The following CLN5 variants were observed in gnomAD, a reference collection of about 807,000 sequenced individuals.
The protein encoded by CLN5 is CLN5 lysosomal BMP synthase, also known as bis(monoacylglycero)phosphate synthase CLN5.
In CLN5, 34 loss-of-function variants were observed where a neutral mutation model predicts 36.7. The observed-to-expected ratio is 0.93, with a 90% CI of 0.71 to 1.23. CLN5 has a LOEUF of 1.23. CLN5 is among the 50% of genes most tolerant of loss of function. The pLI, the probability that CLN5 is intolerant of heterozygous loss-of-function variation, is 0.00. For synonymous variants in CLN5, 151 were observed against 155.1 expected (o/e 0.97, Z 0.20); for missense variants, 427 against 439.4 (o/e 0.97, Z 0.25).
Position 77,001,090 on chromosome 13 carries a change from C to A in CLN5, c.*121C>A. On this transcript the variant is annotated 3_prime_UTR_variant, in exon 4 of 4. Transcript: ENST00000377453. ...TGGTGCATAAAGTTAAAATGCACAT[C>A]AGCAGAATTGCTGCATATTAACATC... The A allele has an allele frequency of 1.2e-6, 1 of 833,572 alleles. No homozygotes were observed. Among genetic ancestry groups the A allele is most frequent in the Admixed American group, 2.4e-5 (1 of 41,328 alleles). The allele number at this position is 833,572 out of a possible 1,614,324, so 51.6% of individuals were successfully genotyped here. A position where few individuals can be genotyped will look rare whatever the true frequency, so the allele number is the denominator to read the frequency against.
chr13:76,992,256 G>A lies in CLN5; in HGVS notation c.158G>A (p.Trp53Ter), dbSNP rs1292661272. ...TCGGGCATCCCCTCCCGGCGCCACT[G>A]GCCGGTGCCCTACAAGTGAGTGCGG... ...RVSGIPSRRH[W>*]PVPYKRFDFR... Residue 53 changes from tryptophan to a stop codon, truncating the protein, a stop_gained, in exon 1 of 4, where the codon TGG becomes TAG. Coordinates refer to ENST00000377453, the MANE Select transcript of CLN5 (RefSeq NM_006493.4). LOFTEE classifies it high-confidence loss of function. The A allele has an allele frequency of 6.3e-7, 1 of 1,578,528 alleles. No individual in the cohort carries two copies. Among genetic ancestry groups the A allele is most frequent in the Non-Finnish European group, 8.6e-7 (1 of 1,168,828 alleles).
intron 2 of CLN5, chr13:76,995,579 G>T: frequency 2.0e-6 from 1 of 491,646 alleles, no homozygotes; most frequent in Non-Finnish European, 3.7e-6. Context: ...CACCATGTGA[G>T]GTCTGTAGAG....
chr13:77,000,078 G>A (rs2034331785), intron 3 of CLN5: 1 of 152,216 alleles, frequency 6.6e-6, no homozygotes, highest in Non-Finnish European at 1.5e-5. Context: ...AATATGATTA[G>A]GCCAGCCATG....
rs2034380528 is a variant in CLN5 at position 77,002,496 on chromosome 13, A to C, written c.*1527A>C. The C allele has an allele frequency of 6.6e-6, 1 of 152,124 alleles. No homozygotes were observed. The highest frequency in any genetic ancestry group is 2.4e-5 in the African/African-American group (1 of 41,422). 9.4% of individuals were successfully genotyped at this position (152,124 alleles called of 1,614,324 possible). On this transcript the variant is annotated 3_prime_UTR_variant, in exon 4 of 4. Transcript: ENST00000377453. ...AGTGTTTTTGTTTCTGTTGGGTCTA[A>C]TTAAAAAAATTGGAGCTTGTATTTT...
At chr13:76,994,900 T>G (rs1334437637) in intron 1 of CLN5, 163 bp from the exon 2 acceptor site, 7 of 616,402 alleles carry the variant, frequency 1.1e-5, no homozygotes, top group Non-Finnish European at 2.8e-6. Flanking sequence ...ATTAAAAACA[T>G]TATTGGAAGT....
intron 3 of CLN5, chr13:76,999,364 G>A (rs2034320521): frequency 1.3e-5 from 2 of 152,206 alleles, no homozygotes; most frequent in Non-Finnish European, 1.5e-5. Context: ...GCAGAGTAGT[G>A]TTTTCTGAAT....
In CLN5 at chr13:77,004,072, A is replaced by G. The variant is rs1165549497; in HGVS notation, c.*3103A>G. On this transcript the variant is annotated 3_prime_UTR_variant, in exon 4 of 4. Coordinates refer to ENST00000377453, the MANE Select transcript of CLN5 (RefSeq NM_006493.4). The stretch of plus-strand genomic sequence containing the variant: ...AAGTATACCCACAAAGTGTCATCTA[A>G]TATATTGTTGCATGTAGAGGAAAAC... 4 of 152,268 alleles carry G rather than the reference A, an allele frequency of 2.6e-5. No homozygotes were observed. The highest frequency in any genetic ancestry group is 5.9e-5 in the Non-Finnish European group (4 of 68,024). The allele number at this position is 152,268 out of a possible 1,614,324, so 9.4% of individuals were successfully genotyped here. A position where few individuals can be genotyped will look rare whatever the true frequency, so the allele number is the denominator to read the frequency against.
chr13:76,994,951 C>A, intron 1 of CLN5, 112 bp from the exon 2 acceptor site: 1 of 888,856 alleles, frequency 1.1e-6, no homozygotes, highest in Non-Finnish European at 1.8e-6. Flanking sequence ...TATTTATTAA[C>A]TATGGTCCGA....
chr13:77,000,350 A>C, intron 3 of CLN5, 108 bp from the exon 4 acceptor site: 6 of 1,036,612 alleles, frequency 5.8e-6, no homozygotes, highest in Non-Finnish European at 8.2e-6. Context: ...TTACCACCGC[A>C]CTCTAGCCTC....
chr13:77,000,555 G>A lies in CLN5; in HGVS notation c.663G>A (p.Gly221=). The change falls in exon 4 of 4, where the codon GGG becomes GGA. Residue 221 remains glycine, a synonymous_variant. Coordinates refer to ENST00000377453, the MANE Select transcript of CLN5 (RefSeq NM_006493.4). Reference sequence around the variant, plus strand: ...ATGTAAAAGCCAGCCCAGAAAAGGGGGCAGAGACATGGTTTGATTCCTACG... The same window carrying A: ...ATGTAAAAGCCAGCCCAGAAAAGGGAGCAGAGACATGGTTTGATTCCTACG... The part of the protein sequence containing the change: ...TWNVKASPEK[G]AETWFDSYDC... 2 of 1,614,044 alleles carry A rather than the reference G, an allele frequency of 1.2e-6. No individual in the cohort carries two copies. Among genetic ancestry groups the A allele is most frequent in the Non-Finnish European group, 8.5e-7 (1 of 1,180,012 alleles).
At position 77,002,322 on chromosome 13, in the gene CLN5, G is replaced by A. The variant is rs1011380342; in HGVS notation, c.*1353G>A. ...GTAATGAAGTCAGGTCTTGAACCCC[G>A]GTTCTGCTGACTGAATTGGATGCAC... On this transcript the variant is annotated 3_prime_UTR_variant, in exon 4 of 4. Transcript: ENST00000377453. 1.3e-5 allele frequency: 2 copies of A among 152,142 alleles called. No homozygotes were observed. The highest frequency in any genetic ancestry group is 4.8e-5 in the African/African-American group (2 of 41,434). The allele number at this position is 152,142 out of a possible 1,614,324, so 9.4% of individuals were successfully genotyped here. A position where few individuals can be genotyped will look rare whatever the true frequency, so the allele number is the denominator to read the frequency against.
intron 3 of CLN5, 61 bp downstream of exon 3, chr13:76,996,188 G>A: frequency 7.8e-7 from 1 of 1,283,084 alleles, no homozygotes; most frequent in South Asian, 1.2e-5. Flanking sequence ...GAAAGAAATT[G>A]TTATACTTCC....
rs982161014 is a variant in CLN5, at chr13:77,005,046, T to C, written c.*4077T>C. On this transcript the variant is annotated 3_prime_UTR_variant, in exon 4 of 4. Transcript: ENST00000377453. ...TTTTCTGTATAAAAATTTAAAAATT[T>C]ATATTTCATGGTAGGTTTTAAATTT... 3 of 152,134 alleles carry C rather than the reference T, an allele frequency of 2.0e-5. No individual in the cohort carries two copies. The highest frequency in any genetic ancestry group is 2.9e-5 in the Non-Finnish European group (2 of 68,008). The allele number at this position is 152,134 out of a possible 1,614,324, so 9.4% of individuals were successfully genotyped here.
intron 3 of CLN5, 173 bp from the exon 4 acceptor site, chr13:77,000,285 C>A: frequency 1.8e-6 from 1 of 544,324 alleles, no homozygotes; most frequent in African/African-American, 1.9e-5. Flanking sequence ...CTCAGGAGGC[C>A]GAGGTGGGAG....
At chr13:76,992,936 C>A (rs1392028214) in intron 1 of CLN5, 1 of 152,252 alleles carries the variant, frequency 6.6e-6, no homozygotes, top group Non-Finnish European at 1.5e-5. Context: ...ACACAGCCTC[C>A]GGCGGTCAGA....
chr13:76,992,534 GAAGAA>G (rs2034198913), intron 1 of CLN5: 2 of 534,130 alleles, frequency 3.7e-6, no homozygotes, highest in South Asian at 5.0e-5. Context: ...AATCGTGGAA[GAAGAA>G]AAGGAGAGTA....
intron 1 of CLN5, chr13:76,994,170 T>C (rs987509904): frequency 3.3e-5 from 5 of 152,114 alleles, no homozygotes; most frequent in Admixed American, 3.3e-4. Flanking sequence ...CCCTCCCCAA[T>C]TATAAGGCAG....
chr13:76,999,148 T>C (rs541334706), intron 3 of CLN5: 1 of 152,350 alleles, frequency 6.6e-6, no homozygotes. Flanking sequence ...CCAGTTCTAA[T>C]ACAACAGGCT....
intron 1 of CLN5, 139 bp downstream of exon 1, chr13:76,992,410 C>G (rs1207911604): frequency 9.6e-7 from 1 of 1,038,148 alleles, no homozygotes; most frequent in East Asian, 2.7e-5. Flanking sequence ...GGGTGACGCT[C>G]GGAGCGCACT....
Sources: allele counts gnomAD v4.1 joint callset, GRCh38; gene constraint gnomAD v4.1.1; transcripts MANE v1.5; gene names NCBI Gene and HGNC (gene_info 2026-07-23, HGNC 2026-07-21).